Variants in EPB42 observed in about 807,000 individuals in gnomAD.
The protein encoded by EPB42 is protein 4.2.
A neutral mutation model predicts 76.9 loss-of-function variants in EPB42; 49 were observed. That is an observed-to-expected ratio of 0.64 (90% CI 0.51 to 0.81). The LOEUF is 0.81. Ranked by LOEUF, EPB42 falls within the 30% of genes least tolerant of loss-of-function variation. The probability of loss-of-function intolerance (pLI) is 0.00; values close to 1 mark genes in which losing one functional copy is unlikely to be tolerated. For synonymous variants in EPB42, 310 were observed against 338.4 expected (o/e 0.92, Z 0.92); for missense variants, 731 against 867.6 (o/e 0.84, Z 1.98).
chr15:43,205,261 C>T lies in EPB42; in HGVS notation c.1618+1069G>A, dbSNP rs989889384. On this transcript the variant is annotated intron_variant, in intron 10 of 12. Coordinates refer to ENST00000441366, the MANE Select transcript of EPB42 (RefSeq NM_001114134.2). Reference sequence around the variant, plus strand: ...CATGCTTGGAAAGGGAAGAGTGATACAGAGACTGGAGGTGAGGTGACCGGT... The same window carrying T: ...CATGCTTGGAAAGGGAAGAGTGATATAGAGACTGGAGGTGAGGTGACCGGT... Among the ~76,000 whole-genome samples, 10 of 152,202 alleles carry T rather than the reference C, an allele frequency of 6.6e-5. No individual in the cohort carries two copies. In the East Asian group the frequency reaches 1.9e-3, roughly 29 times the overall value.
rs201099598 is a variant in EPB42, at chr15:43,215,305, T to C, written c.220A>G (p.Arg74Gly). The C allele has an allele frequency of 4.3e-6, 7 of 1,614,256 alleles. No individual in the cohort carries two copies. In the East Asian group the frequency reaches 1.1e-4, roughly 26 times the overall value. Residue 74 changes from arginine (R) to glycine (G), a missense_variant, in exon 3 of 13, where the codon AGG becomes GGG. Coordinates refer to ENST00000441366, the MANE Select transcript of EPB42 (RefSeq NM_001114134.2). ...QTGEQPSKIN[R>G]TQATFPISSL... ...GAAATTGGGAATGTGGCTTGGGTCC[T>C]GTTGATCTTGGAAGGCTGCTCTCCT...
intron 3 of EPB42, 114 bp downstream of exon 3, chr15:43,214,981 C>T (rs2042355391): frequency 4.4e-6 from 4 of 901,898 alleles, no homozygotes; most frequent in Non-Finnish European, 7.1e-6. Flanking sequence ...TTGGTGCTGT[C>T]CTTAGAGAGG....
chr15:43,207,379 G>A lies in EPB42; in HGVS notation c.1138C>T (p.Pro380Ser). The change falls in exon 9 of 13, where the codon CCA (proline) becomes TCA (serine). Residue 380 changes from proline (P) to serine (S), a missense_variant. Transcript: ENST00000441366. ...AVKEGTLGLT[P>S]AVSDLFAAIN... ...GCAGCAAAAAGGTCTGACACTGCTG[G>A]GGTCAGCCCCAGCGTCCCCTCCTTG... The A allele has an allele frequency of 6.2e-7, 1 of 1,614,156 alleles. No homozygotes were observed. The highest frequency in any genetic ancestry group is 8.5e-7 in the Non-Finnish European group (1 of 1,180,028).
At chr15:43,202,463 T>G (rs1482653342) in intron 11 of EPB42, among the ~76,000 whole-genome samples, 1 of 152,218 alleles carries the variant, frequency 6.6e-6, no homozygotes. Context: ...AGGCCCAGCA[T>G]AGATGTCATC....
In EPB42 at chr15:43,216,424, C is replaced by T. The variant is rs1266009926; in HGVS notation, c.40G>A (p.Ala14Thr). 2 of 1,614,108 alleles carry T rather than the reference C, an allele frequency of 1.2e-6. No individual in the cohort carries two copies. The highest frequency in any genetic ancestry group is 1.7e-5 in the Admixed American group (1 of 60,024). ...ALGIKSCDFQ[A>T]ARNNEEHHTK... ...TGGTGCTCCTCATTGTTTCTTGCTGCCTGAAAGTCACAGCTCTTGATACCC... is the reference window on the plus strand; with the variant it reads ...TGGTGCTCCTCATTGTTTCTTGCTGTCTGAAAGTCACAGCTCTTGATACCC... Residue 14 changes from alanine to threonine, a missense_variant, in exon 2 of 13, where the codon GCA becomes ACA. By Grantham distance (58) the Ala-to-Thr change is moderately conservative (BLOSUM62 0). Transcript: ENST00000441366.
chr15:43,215,353 G>A (rs1023066414), intron 2 of EPB42, 25 bp from the exon 3 acceptor site: 3 of 1,607,930 alleles, frequency 1.9e-6, no homozygotes, highest in South Asian at 1.1e-5. Context: ...TGATTAGTCT[G>A]TCACTGGGAC....
chr15:43,217,729 C>A (rs1196142737), intron 1 of EPB42, among the ~76,000 whole-genome samples: 28 of 152,118 alleles, frequency 1.8e-4, no homozygotes, highest in Admixed American at 1.8e-3. Context: ...GAGGTCTAAC[C>A]CACTTCAGGG....
At chr15:43,222,803 A>G (rs1450749410), upstream of EPB42, among the ~76,000 whole-genome samples, 1 of 152,248 alleles carries the variant, frequency 6.6e-6, no homozygotes, top group Non-Finnish European at 1.5e-5. Context: ...GCTTGTCAAA[A>G]TACAGTTGGC....
Position 43,220,653 on chromosome 15 carries a change from C to CG in EPB42, c.10+162_10+163insC, listed in dbSNP as rs776527818. The CG allele has an allele frequency of 2.6e-4, 246 of 943,514 alleles. 20 individuals are homozygous for CG. Among genetic ancestry groups the CG allele is most frequent in the Non-Finnish European group, 2.8e-4 (175 of 632,890 alleles). The allele number at this position is 943,514 out of a possible 1,614,324, so 58.4% of individuals were successfully genotyped here. On this transcript the variant is annotated intron_variant, in intron 1 of 12. Transcript: ENST00000441366. ...CTACCAGCACCCACCTACCACACCC[C>CG]CCCCCCACAGCCACCTCATTATCAC...
Position 43,198,346 on chromosome 15 carries a change from T to C in EPB42, c.1914-882A>G, listed in dbSNP as rs1005717138. On this transcript the variant is annotated intron_variant, in intron 12 of 12. Coordinates refer to ENST00000441366, the MANE Select transcript of EPB42 (RefSeq NM_001114134.2). ...AAATCCAGGCTGAGGTGGTCTCAGATAGAGATGAGGAACTTGTTAGGAACT... is the reference window on the plus strand; with the variant it reads ...AAATCCAGGCTGAGGTGGTCTCAGACAGAGATGAGGAACTTGTTAGGAACT... 3.3e-5 allele frequency among the ~76,000 whole-genome samples: 5 copies of C among 152,234 alleles called. 1 individual carries two copies. The South Asian group carries it at 6.2e-4, about 19-fold the overall frequency.
In EPB42 at chr15:43,210,422, A is replaced by G. The variant is rs2042276338; in HGVS notation, c.567T>C (p.Ile189=). Residue 189 remains isoleucine (I), a synonymous_variant, in exon 5 of 13, where the codon ATT becomes ATC. Coordinates refer to ENST00000441366, the MANE Select transcript of EPB42 (RefSeq NM_001114134.2). ...WDFGQFEGDV[I]DLSLRLLSKD... Reference sequence around the variant, plus strand: ...TGCTCAGCAAGCGCAGGCTGAGGTCAATGACATCCCCCTCGAACTGTTAAG... The same window carrying G: ...TGCTCAGCAAGCGCAGGCTGAGGTCGATGACATCCCCCTCGAACTGTTAAG... The G allele has an allele frequency of 6.2e-7, 1 of 1,613,764 alleles. No homozygotes were observed. Among genetic ancestry groups the G allele is most frequent in the East Asian group, 2.2e-5 (1 of 44,874 alleles).
At chr15:43,220,264 G>A (rs986832549) in intron 1 of EPB42, among the ~76,000 whole-genome samples, 1 of 152,036 alleles carries the variant, frequency 6.6e-6, no homozygotes, top group East Asian at 1.9e-4. Flanking sequence ...AGAGTGCTGC[G>A]ACTCTGACCA....
chr15:43,224,029 T>C (rs946310373), upstream of EPB42, among the ~76,000 whole-genome samples: 4 of 152,116 alleles, frequency 2.6e-5, no homozygotes, highest in African/African-American at 9.7e-5. Context: ...CTCTCCAAAT[T>C]TGTGCAGCCT....
At chr15:43,209,703 A>G in intron 5 of EPB42, 1 of 478,292 alleles carries the variant, frequency 2.1e-6, no homozygotes, top group Non-Finnish European at 3.7e-6. Context: ...GAGGAGCATT[A>G]GAGCTGCCCT....
Position 43,209,414 on chromosome 15 carries a change from G to A in EPB42, c.692C>T (p.Pro231Leu), listed in dbSNP as rs891689911. The change falls in exon 6 of 13, where the codon CCG becomes CTG. Residue 231 changes from proline (P) to leucine (L), a missense_variant. Physicochemically the swap from Pro to Leu is moderately conservative, Grantham distance 98. Transcript: ENST00000441366. ...FLKEQRVLPT[P>L]QTQATQEGAL... ...CCCTTCCTGGGTGGCCTGGGTCTGC[G>A]GGGTGGGCAGGACCCTCTGCTCCTT... 12 of 1,613,240 alleles carry A rather than the reference G, an allele frequency of 7.4e-6. No individual in the cohort carries two copies. Among genetic ancestry groups the A allele is most frequent in the African/African-American group, 2.7e-5 (2 of 74,940 alleles).
chr15:43,207,460 G>A lies in EPB42; in HGVS notation c.1076-19C>T. ...CCCAGGACTGAGGGAGAGAAAGGTT[G>A]GTGAGCATGGGAGCTGCGCCTAGAC... On this transcript the variant is annotated intron_variant, in intron 8 of 12. Coordinates refer to ENST00000441366, the MANE Select transcript of EPB42 (RefSeq NM_001114134.2). 1 of 1,612,460 alleles carries A rather than the reference G, an allele frequency of 6.2e-7. No homozygotes were observed. Among genetic ancestry groups the A allele is most frequent in the Non-Finnish European group, 8.5e-7 (1 of 1,180,024 alleles).
chr15:43,201,245 G>A (rs2042119931), intron 12 of EPB42, among the ~76,000 whole-genome samples: 1 of 152,152 alleles, frequency 6.6e-6, no homozygotes, highest in South Asian at 2.1e-4. Flanking sequence ...AAAGTGGTGG[G>A]TGTACACGAT....
At chr15:43,216,227 C>A (rs771096133) in intron 2 of EPB42, 41 bp downstream of exon 2, 7 of 1,609,718 alleles carry the variant, frequency 4.3e-6, no homozygotes, top group Non-Finnish European at 5.9e-6. Context: ...AGAGAACCCC[C>A]CAGGCCTGCT....
chr15:43,204,939 T>C (rs989464808), intron 10 of EPB42, among the ~76,000 whole-genome samples: 5 of 148,824 alleles, frequency 3.4e-5, no homozygotes, highest in Non-Finnish European at 7.4e-5. Flanking sequence ...CTGAACCTAC[T>C]CTGGCTCAGA....
Sources: allele counts gnomAD v4.1 joint callset (sites outside exome capture counted in the v4.1 genomes callset), GRCh38; gene constraint gnomAD v4.1.1; transcripts MANE v1.5; gene names NCBI Gene and HGNC (gene_info 2026-07-23, HGNC 2026-07-21).